Variants in ISL1 observed in about 807,000 individuals in gnomAD.
The protein encoded by ISL1 is insulin gene enhancer protein ISL-1.
ISL1 carries 4 observed loss-of-function variants against 35.3 expected under a neutral mutation model. The ratio of observed to expected loss-of-function variants is 0.11; its 90% CI spans 0.06 to 0.26. The LOEUF is 0.26. Ranked by LOEUF, ISL1 falls within the 10% of genes least tolerant of loss-of-function variation. ISL1 has a pLI of 1.00. For missense variants in ISL1, 340 were observed against 472.8 expected (o/e 0.72, Z 2.60); for synonymous variants, 186 against 172.3 (o/e 1.08, Z -0.62).
Position 51,389,524 on chromosome 5 carries a change from G to A in ISL1, c.479-122G>A. 1 of 875,998 alleles carries A rather than the reference G, an allele frequency of 1.1e-6. No individual in the cohort carries two copies. The highest frequency in any genetic ancestry group is 3.3e-5 in the East Asian group (1 of 30,184). 54.3% of individuals were successfully genotyped at this position (875,998 alleles called of 1,614,324 possible). ...CCTAGCCATTGTCCTGAGTATCTCG[G>A]GCGGGCGAGCAAGTAAGCGGGCGGG... On this transcript the variant is annotated intron_variant, in intron 3 of 5. Coordinates refer to ENST00000230658, the MANE Select transcript of ISL1 (RefSeq NM_002202.3). This position sits in a 1 kb window ranked among gnomAD's most constrained non-coding sequence, Gnocchi z 5.0.
At chr5:51,390,912 A>G (rs879505060) in intron 4 of ISL1, among the ~76,000 whole-genome samples, 6 of 151,454 alleles carry the variant, frequency 4.0e-5, no homozygotes, top group Non-Finnish European at 7.4e-5. Context: ...CCCTGTCTAG[A>G]GGCTGAAGGG....
At chr5:51,391,204 C>G in intron 4 of ISL1, 70 bp from the exon 5 acceptor site, 5 of 1,520,834 alleles carry the variant, frequency 3.3e-6, no homozygotes, top group Non-Finnish European at 4.5e-6. Context: ...TTTGCTTAGC[C>G]TGTGCAGACA....
intron 4 of ISL1, 30 bp from the exon 5 acceptor site, chr5:51,391,244 G>C: frequency 6.2e-7 from 1 of 1,610,890 alleles, no homozygotes; most frequent in Non-Finnish European, 8.5e-7. Flanking sequence ...TCATTAACAT[G>C]TTGGGATTGG....
intron 5 of ISL1, among the ~76,000 whole-genome samples, chr5:51,391,982 A>G (rs1314676791): frequency 6.6e-6 from 1 of 152,224 alleles, no homozygotes; most frequent in Non-Finnish European, 1.5e-5. Context: ...ATATATTAAT[A>G]AAGATTATTC....
chr5:51,390,674 T>TTTTTTTTTTTTTTTTTTTTTTTTTC (rs1747491014), intron 4 of ISL1, among the ~76,000 whole-genome samples: 1 of 99,324 alleles, frequency 1.0e-5, no homozygotes, highest in Non-Finnish European at 2.1e-5. Context: ...TTTTTTTTTT[T>TTTTTTTTTTTTTTTTTTTTTTTTTC]TTTTTTACTG....
chr5:51,389,637 GC>G lies in ISL1; in HGVS notation c.479-5del. 3 of 1,604,882 alleles carry G rather than the reference GC, an allele frequency of 1.9e-6. No individual in the cohort carries two copies. The highest frequency in any genetic ancestry group is 1.1e-5 in the South Asian group (1 of 90,760). ...CAGCCCAGCGCTCACGGCGCTCCTT[GC>G]CCCGCAGCGGAGCCCATCTCCGCCA... On this transcript the variant is annotated splice_region_variant and splice_polypyrimidine_tract_variant and intron_variant, in intron 3 of 5. Transcript: ENST00000230658. The surrounding 1 kb of genome is among the most constrained non-coding windows in gnomAD (Gnocchi z 5.0).
chr5:51,390,391 G>C (rs1342252404), intron 4 of ISL1, among the ~76,000 whole-genome samples: 2 of 152,072 alleles, frequency 1.3e-5, no homozygotes, highest in African/African-American at 4.8e-5. Context: ...CACCCTGTGA[G>C]CCCCCAGGGC....
intron 5 of ISL1, among the ~76,000 whole-genome samples, chr5:51,391,942 A>G (rs1273823038): frequency 6.6e-6 from 1 of 152,264 alleles, no homozygotes; most frequent in East Asian, 1.9e-4. Flanking sequence ...ATCAATAAAC[A>G]GCAGGCATGT....
rs763997526 is a variant in ISL1 at position 51,387,483 on chromosome 5, C to G, written c.219-7C>G. ...GGGCCGCCTCCGCTCCCCCCTCCCCCGCACAGGTTGTACGGGATCAAATGC... is the reference window on the plus strand; with the variant it reads ...GGGCCGCCTCCGCTCCCCCCTCCCCGGCACAGGTTGTACGGGATCAAATGC... On this transcript the variant is annotated splice_region_variant and splice_polypyrimidine_tract_variant and intron_variant, in intron 2 of 5. Transcript: ENST00000230658. This position sits in a 1 kb window ranked among gnomAD's most constrained non-coding sequence, Gnocchi z 4.3. 2 of 1,613,892 alleles carry G rather than the reference C, an allele frequency of 1.2e-6. No individual in the cohort carries two copies. Among genetic ancestry groups the G allele is most frequent in the Middle Eastern group, 1.6e-4 (1 of 6,062 alleles).
chr5:51,390,073 C>G lies in ISL1; in HGVS notation c.765+141C>G, dbSNP rs370782618. ...TGGCCGGGGCTGCCCCTCATCCTTA[C>G]CCCCCTACCCATGCCCCGGGGGACA... is the stretch of plus-strand genomic sequence containing the variant. On this transcript the variant is annotated intron_variant, in intron 4 of 5. Coordinates refer to ENST00000230658, the MANE Select transcript of ISL1 (RefSeq NM_002202.3). The G allele has an allele frequency of 2.4e-5, 24 of 1,006,188 alleles. No individual in the cohort carries two copies. The East Asian group carries it at 4.5e-4, about 19-fold the overall frequency. 62.3% of individuals were successfully genotyped at this position (1,006,188 alleles called of 1,614,324 possible). A position where few individuals can be genotyped will look rare whatever the true frequency, so the allele number is the denominator to read the frequency against.
chr5:51,384,649 C>T lies in ISL1; in HGVS notation c.137C>T (p.Ala46Val), dbSNP rs755382547. ...LEWHAACLKCAECNQYLDESC... is the reference protein window; with the variant it reads ...LEWHAACLKCVECNQYLDESC... The stretch of plus-strand genomic sequence containing the variant: ...TGGCATGCGGCATGTTTGAAATGTG[C>T]GGAGTGTAATCAGTATTTGGACGAG... The change falls in exon 2 of 6, where the codon GCG becomes GTG. Residue 46 changes from alanine to valine, a missense_variant. Physicochemically the swap from Ala to Val is moderately conservative, Grantham distance 64. Transcript: ENST00000230658. 18 of 1,613,868 alleles carry T rather than the reference C, an allele frequency of 1.1e-5. No homozygotes were observed. The highest frequency in any genetic ancestry group is 1.4e-5 in the Non-Finnish European group (17 of 1,179,964).
chr5:51,389,664 G>A lies in ISL1; in HGVS notation c.497G>A (p.Arg166Lys), dbSNP rs1030859452. The A allele has an allele frequency of 1.2e-6, 2 of 1,610,476 alleles. No individual in the cohort carries two copies. The highest frequency in any genetic ancestry group is 1.7e-6 in the Non-Finnish European group (2 of 1,179,660). The change falls in exon 4 of 6, where the codon AGG (arginine) becomes AAG (lysine). Residue 166 changes from arginine to lysine, a missense_variant. Coordinates refer to ENST00000230658, the MANE Select transcript of ISL1 (RefSeq NM_002202.3). The surrounding 1 kb of genome is among the most constrained non-coding windows in gnomAD (Gnocchi z 5.0). ...LQMAAEPISARQPALRPHVHK... is the reference protein window; with the variant it reads ...LQMAAEPISAKQPALRPHVHK... ...CCCGCAGCGGAGCCCATCTCCGCCA[G>A]GCAGCCAGCCCTGCGGCCCCACGTC...
At chr5:51,383,764 A>G (rs1360281082) in intron 1 of ISL1, 65 bp downstream of exon 1, 2 of 1,393,352 alleles carry the variant, frequency 1.4e-6, no homozygotes, top group Non-Finnish European at 2.0e-6. Flanking sequence ...TCTCTCAGGC[A>G]CAGGCTGAGG....
At position 51,391,313 on chromosome 5, in the gene ISL1, A is replaced by C; in HGVS notation, c.805A>C (p.Ser269Arg). ...GMTGTPMVAA[S>R]PERHDGGLQA... Reference sequence around the variant, plus strand: ...GACAGGAACTCCCATGGTGGCTGCCAGTCCAGAGAGACACGACGGTGGCTT... The same window carrying C: ...GACAGGAACTCCCATGGTGGCTGCCCGTCCAGAGAGACACGACGGTGGCTT... Residue 269 changes from serine (S) to arginine (R), a missense_variant, in exon 5 of 6, where the codon AGT becomes CGT. Physicochemically the swap from Ser to Arg is moderately radical, Grantham distance 110. This residue lies in a region of ISL1 where 25 missense variants were observed against 43.2 expected (regional missense o/e 0.58). Coordinates refer to ENST00000230658, the MANE Select transcript of ISL1 (RefSeq NM_002202.3). 6.2e-7 allele frequency: 1 copy of C among 1,613,528 alleles called. No homozygotes were observed. Among genetic ancestry groups the C allele is most frequent in the Non-Finnish European group, 8.5e-7 (1 of 1,180,004 alleles).
intron 5 of ISL1, 60 bp from the exon 6 acceptor site, chr5:51,393,434 A>G: frequency 2.1e-6 from 2 of 938,646 alleles, no homozygotes; most frequent in South Asian, 2.6e-5. Flanking sequence ...TGATGAGTTT[A>G]TAATCTTTTT....
At chr5:51,392,948 A>C (rs1356948947) in intron 5 of ISL1, among the ~76,000 whole-genome samples, 2 of 152,134 alleles carry the variant, frequency 1.3e-5, no homozygotes, top group Non-Finnish European at 2.9e-5. Flanking sequence ...ATTTAAAGAG[A>C]GAGAGAGAGA....
rs924579755 is a variant in ISL1 at position 51,387,897 on chromosome 5, C to T, written c.478+148C>T. ...TTCTGTATGCAATTTGCGCTGTGCT[C>T]TGCTCCTTTGCAGCAAGGTTCAATG... On this transcript the variant is annotated intron_variant, in intron 3 of 5. Coordinates refer to ENST00000230658, the MANE Select transcript of ISL1 (RefSeq NM_002202.3). The surrounding 1 kb of genome is among the most constrained non-coding windows in gnomAD (Gnocchi z 4.3). 1 of 1,067,508 alleles carries T rather than the reference C, an allele frequency of 9.4e-7. No homozygotes were observed. Among genetic ancestry groups the T allele is most frequent in the Non-Finnish European group, 1.4e-6 (1 of 731,262 alleles). The allele number at this position is 1,067,508 out of a possible 1,614,324, so 66.1% of individuals were successfully genotyped here.
chr5:51,384,444 C>A, intron 1 of ISL1, 97 bp from the exon 2 acceptor site: 9 of 1,038,752 alleles, frequency 8.7e-6, no homozygotes, highest in East Asian at 2.5e-5. Context: ...AGAAAAAAAC[C>A]TCCCAGAGTA....
chr5:51,389,574 C>G lies in ISL1; in HGVS notation c.479-72C>G, dbSNP rs1334102973. The G allele has an allele frequency of 1.3e-5, 17 of 1,334,732 alleles. No individual in the cohort carries two copies. The highest frequency in any genetic ancestry group is 3.8e-5 in the Admixed American group (1 of 26,240). 82.7% of individuals were successfully genotyped at this position (1,334,732 alleles called of 1,614,324 possible). ...GCGGGCGGGCAAGCGAGCGAGCGAG[C>G]GAGCGCGCGACCGCGGGCGGGCCGG... On this transcript the variant is annotated intron_variant, in intron 3 of 5. Transcript: ENST00000230658. The surrounding 1 kb of genome is among the most constrained non-coding windows in gnomAD (Gnocchi z 5.0).
Sources: allele counts gnomAD v4.1 joint callset (sites outside exome capture counted in the v4.1 genomes callset), GRCh38; gene constraint gnomAD v4.1.1; regional missense constraint gnomAD v4.1.1; non-coding constraint Gnocchi (gnomAD v3.1); transcripts MANE v1.5; gene names NCBI Gene and HGNC (gene_info 2026-07-23, HGNC 2026-07-21).